Variants in KLF7 observed in about 807,000 individuals in gnomAD.
KLF7 encodes the protein KLF transcription factor 7.
In KLF7, 2 loss-of-function variants were observed where a neutral mutation model predicts 27.3. That is an observed-to-expected ratio of 0.07 (90% confidence interval 0.03 to 0.23). The LOEUF is 0.23. Ranked by LOEUF, KLF7 falls within the 10% of genes least tolerant of loss-of-function variation. The pLI is 1.00. For synonymous variants in KLF7, 165 were observed against 162.4 expected, an observed-to-expected ratio of 1.02 and a Z score of -0.12; for missense variants, 221 against 394.1, an observed-to-expected ratio of 0.56 and a Z score of 3.72.
At chr2:207,166,937 G>C (rs1383424493), upstream of KLF7, 7 of 710,014 alleles carry the variant, frequency 9.9e-6, no homozygotes, top group Non-Finnish European at 1.3e-5. Context: ...CCCGCCCCGC[G>C]GGCGCCGCCG....
chr2:207,150,653 T>C (rs1208700416), intron 1 of KLF7, among the ~76,000 whole-genome samples: 1 of 152,358 alleles, frequency 6.6e-6, no homozygotes, highest in East Asian at 1.9e-4. Flanking sequence ...TGCTTTGTTT[T>C]ATACTGATAA....
chr2:207,165,401 C>A (rs1384083908), intron 1 of KLF7, 66 bp downstream of exon 1: 2 of 1,610,280 alleles, frequency 1.2e-6, no homozygotes, highest in Non-Finnish European at 1.7e-6. Flanking sequence ...CCAGAGCCCA[C>A]ACCAACGCAG....
chr2:207,167,066 G>C, upstream of KLF7: 4 of 1,296,584 alleles, frequency 3.1e-6, no homozygotes, highest in Non-Finnish European at 4.0e-6. Flanking sequence ...AGAGGCTAGA[G>C]GGAGCCTAGG....
chr2:207,098,582 C>T (rs567131604), intron 2 of KLF7, among the ~76,000 whole-genome samples: 35 of 151,726 alleles, frequency 2.3e-4, no homozygotes, highest in African/African-American at 8.5e-4. Context: ...CAGCAGAGAA[C>T]GTATACAGGA....
At chr2:207,151,803 G>GA (rs1218034152) in intron 1 of KLF7, among the ~76,000 whole-genome samples, 2 of 149,770 alleles carry the variant, frequency 1.3e-5, no homozygotes, top group Non-Finnish European at 3.0e-5. Context: ...TTTTTAAAAA[G>GA]AAAAAAAAGT....
intron 2 of KLF7, among the ~76,000 whole-genome samples, chr2:207,115,997 TTAGG>T (rs2077172568): frequency 6.6e-6 from 1 of 152,110 alleles, no homozygotes. Flanking sequence ...TATTAGGTAC[TTAGG>T]TAGGGAATGC....
chr2:207,164,458 C>CCA (rs1279741033), intron 1 of KLF7, among the ~76,000 whole-genome samples: 1 of 151,508 alleles, frequency 6.6e-6, no homozygotes, highest in African/African-American at 2.4e-5. Context: ...CCCCCCGCCC[C>CCA]CACCCACCAT....
intron 1 of KLF7, among the ~76,000 whole-genome samples, chr2:207,159,825 GA>G (rs2078490652): frequency 6.6e-6 from 1 of 152,132 alleles, no homozygotes; most frequent in African/African-American, 2.4e-5. Context: ...ATGGAGGGGG[GA>G]TGGACATGAG....
At chr2:207,121,507 GAAATGAGGA>G (rs2077339676) in intron 2 of KLF7, 1 of 152,150 alleles carries the variant, frequency 6.6e-6, no homozygotes, top group African/African-American at 2.4e-5. Flanking sequence ...CTCTACTTTA[GAAATGAGGA>G]AACTGAGGTC....
chr2:207,125,178 G>A (rs2077447162), intron 1 of KLF7, among the ~76,000 whole-genome samples: 1 of 152,082 alleles, frequency 6.6e-6, no homozygotes, highest in African/African-American at 2.4e-5. Context: ...TTAAAGATAG[G>A]ACCCAATATA....
At chr2:207,152,263 T>G (rs909741045) in intron 1 of KLF7, among the ~76,000 whole-genome samples, 1 of 139,326 alleles carries the variant, frequency 7.2e-6, no homozygotes, top group Non-Finnish European at 1.5e-5. Flanking sequence ...ACTGGTTACA[T>G]GTTTTTCTTA....
intron 1 of KLF7, among the ~76,000 whole-genome samples, chr2:207,135,198 T>C (rs1456284347): frequency 2.0e-5 from 3 of 151,916 alleles, no homozygotes; most frequent in East Asian, 3.9e-4. Context: ...GGCCCACTAA[T>C]CTGGAATTCT....
chr2:207,088,453 T>C lies in KLF7; in HGVS notation c.857+5A>G, dbSNP rs761055067. 6.2e-7 allele frequency: 1 copy of C among 1,613,400 alleles called. No homozygotes were observed. Among genetic ancestry groups the C allele is most frequent in the South Asian group, 1.1e-5 (1 of 91,004 alleles). On this transcript the variant is annotated splice_donor_5th_base_variant and intron_variant, in intron 3 of 3. Transcript: ENST00000309446. ...CCTAGCCCATCAACTTCTACTTCTCTTTACCTGTCGCAGTGGTTGCATTTG... is the reference window on the plus strand; with the variant it reads ...CCTAGCCCATCAACTTCTACTTCTCCTTACCTGTCGCAGTGGTTGCATTTG...
At chr2:207,142,027 G>A (rs574120170) in intron 1 of KLF7, among the ~76,000 whole-genome samples, 1 of 152,108 alleles carries the variant, frequency 6.6e-6, no homozygotes, top group South Asian at 2.1e-4. Flanking sequence ...TCACAAGAAT[G>A]AGAAATCTGT....
chr2:207,081,362 A>T (rs934567888), intron 3 of KLF7, 98 bp from the exon 4 acceptor site: 2 of 1,059,296 alleles, frequency 1.9e-6, no homozygotes, highest in African/African-American at 3.1e-5. Context: ...TTAAACAGAG[A>T]CAGTGCACAT....
chr2:207,135,655 A>C (rs2077763258), intron 1 of KLF7, among the ~76,000 whole-genome samples: 1 of 152,252 alleles, frequency 6.6e-6, no homozygotes, highest in Admixed American at 6.5e-5. Context: ...CTGGGTAGGA[A>C]GAGATTCAAG....
chr2:207,156,515 A>C (rs2078388133), intron 1 of KLF7, among the ~76,000 whole-genome samples: 1 of 152,240 alleles, frequency 6.6e-6, no homozygotes, highest in Non-Finnish European at 1.5e-5. Flanking sequence ...ACCATGGAGC[A>C]GGCTGAGGTG....
Position 207,080,965 on chromosome 2 carries a change from C to G in KLF7, c.*248G>C, listed in dbSNP as rs2076255056. ...GGTTTCCTTCTTCATCTTCTTCCATCTGGCTAGGGCAAGGCATAAAGAATA... is the reference window on the plus strand; with the variant it reads ...GGTTTCCTTCTTCATCTTCTTCCATGTGGCTAGGGCAAGGCATAAAGAATA... On this transcript the variant is annotated 3_prime_UTR_variant, in exon 4 of 4. Coordinates refer to ENST00000309446, the MANE Select transcript of KLF7 (RefSeq NM_003709.4). 1 of 439,738 alleles carries G rather than the reference C, an allele frequency of 2.3e-6. No individual in the cohort carries two copies. The allele number at this position is 439,738 out of a possible 1,614,324, so 27.2% of individuals were successfully genotyped here.
chr2:207,078,937 A>G lies in KLF7; in HGVS notation c.*2276T>C, dbSNP rs2076220696. 6.6e-6 allele frequency: 1 copy of G among 152,218 alleles called. No individual in the cohort carries two copies. The highest frequency in any genetic ancestry group is 2.4e-5 in the African/African-American group (1 of 41,460). 9.4% of individuals were successfully genotyped at this position (152,218 alleles called of 1,614,324 possible). A position where few individuals can be genotyped will look rare whatever the true frequency, so the allele number is the denominator to read the frequency against. On this transcript the variant is annotated 3_prime_UTR_variant, in exon 4 of 4. Coordinates refer to ENST00000309446, the MANE Select transcript of KLF7 (RefSeq NM_003709.4). ...TGTCTAGTTTTAAATCTTTGGAATA[A>G]AACTGATTTTTAATACCCTCCAACT...
Sources: allele counts gnomAD v4.1 joint callset (sites outside exome capture counted in the v4.1 genomes callset), GRCh38; gene constraint gnomAD v4.1.1; transcripts MANE v1.5; gene names NCBI Gene and HGNC (gene_info 2026-07-23, HGNC 2026-07-21).